The following EIF3A variants were observed in gnomAD, a reference collection of about 807,000 sequenced individuals.
The protein encoded by EIF3A is EIF3, p180 subunit.
EIF3A carries 21 observed loss-of-function variants against 186.6 expected under a neutral mutation model. The ratio of observed to expected loss-of-function variants is 0.11; its 90% CI spans 0.08 to 0.16. The LOEUF is 0.16. Ranked by LOEUF, EIF3A falls within the 10% of genes least tolerant of loss-of-function variation. EIF3A has a pLI of 1.00. For missense variants in EIF3A, 1,306 were observed against 1,796.3 expected (o/e 0.73, Z 4.93); for synonymous variants, 563 against 584.3 (o/e 0.96, Z 0.52).
intron 1 of EIF3A, among the ~76,000 whole-genome samples, chr10:119,078,829 C>A (rs148840846): frequency 0.012 from 1,795 of 152,160 alleles, 38 homozygotes; most frequent in African/African-American, 0.041. Context: ...CATTACATAT[C>A]TTTTCTATAT....
chr10:119,048,282 C>T (rs1439604209), intron 17 of EIF3A, among the ~76,000 whole-genome samples: 4 of 151,906 alleles, frequency 2.6e-5, no homozygotes, highest in Non-Finnish European at 4.4e-5. Context: ...ATGAGGAAGA[C>T]GAGTAAGTAG....
At chr10:119,060,415 T>A (rs923455914) in intron 9 of EIF3A, among the ~76,000 whole-genome samples, 3 of 151,958 alleles carry the variant, frequency 2.0e-5, no homozygotes, top group African/African-American at 7.3e-5. Flanking sequence ...CTACAAGATT[T>A]CTAACAGGGA....
intron 16 of EIF3A, among the ~76,000 whole-genome samples, 179 bp from the exon 17 acceptor site, chr10:119,050,164 T>A (rs1418796283): frequency 2.0e-5 from 3 of 152,130 alleles, no homozygotes; most frequent in African/African-American, 4.8e-5. Flanking sequence ...ACCCCTCAAC[T>A]ATAGTTTTGT....
chr10:119,042,143 T>G lies in EIF3A; in HGVS notation c.3377A>C (p.Asp1126Ala), dbSNP rs1564749117. ...DRGPWRNADD[D>A]RIPRRGAEDD... ...CTCTGCACCACGCCTGGGAATTCTG[T>G]CATCATCGGCGTTCCTCCAAGGTCC... Residue 1126 changes from aspartate (D) to alanine (A), a missense_variant, in exon 19 of 22, where the codon GAC (aspartate) becomes GCC (alanine). Around this residue, in one of 8 missense-constraint regions of EIF3A, gnomAD observed 331 missense variants for 365.8 expected, o/e 0.90. Transcript: ENST00000369144. The surrounding 1 kb of genome is among the most constrained non-coding windows in gnomAD (Gnocchi z 7.8). 1.9e-6 allele frequency: 3 copies of G among 1,614,096 alleles called. No individual in the cohort carries two copies. Among genetic ancestry groups the G allele is most frequent in the Admixed American group, 3.3e-5 (2 of 60,002 alleles).
intron 9 of EIF3A, 39 bp downstream of exon 9, chr10:119,060,707 C>T (rs1255100679): frequency 1.3e-6 from 2 of 1,505,312 alleles, no homozygotes; most frequent in South Asian, 1.2e-5. Context: ...ATGATGAGCA[C>T]ATAACATCAC....
At chr10:119,079,480 T>C (rs1844228144) in intron 1 of EIF3A, among the ~76,000 whole-genome samples, 1 of 152,124 alleles carries the variant, frequency 6.6e-6, no homozygotes, top group African/African-American at 2.4e-5. Context: ...ACAAGGTATA[T>C]TCATCTACAA....
In EIF3A at chr10:119,057,050, A is replaced by C. The variant is rs754545085; in HGVS notation, c.1978-10T>G. 1 of 1,513,502 alleles carries C rather than the reference A, an allele frequency of 6.6e-7. No homozygotes were observed. The highest frequency in any genetic ancestry group is 9.1e-7 in the Non-Finnish European group (1 of 1,098,082). The allele number at this position is 1,513,502 out of a possible 1,614,324, so 93.8% of individuals were successfully genotyped here. ...CCAATTCCTCAAGGTCCTGAAAGGT[A>C]ATACAAATGCACAATTGTTAATAAA... On this transcript the variant is annotated splice_polypyrimidine_tract_variant and intron_variant, in intron 12 of 21. Coordinates refer to ENST00000369144, the MANE Select transcript of EIF3A (RefSeq NM_003750.4).
chr10:119,049,493 CAAAAAAA>C (rs67696743), intron 17 of EIF3A, among the ~76,000 whole-genome samples: 1 of 112,764 alleles, frequency 8.9e-6, no homozygotes, highest in Non-Finnish European at 1.7e-5. Context: ...GACTCTGTCT[CAAAAAAA>C]AAAAAAAAAG....
chr10:119,061,311 T>A lies in EIF3A; in HGVS notation c.1140A>T (p.Leu380=). 1 of 1,565,010 alleles carries A rather than the reference T, an allele frequency of 6.4e-7. No individual in the cohort carries two copies. ...CTTTCACTTCTGGGACAACATATTGTAGTACATTAAATCTGACCTACAGTA... is the reference window on the plus strand; with the variant it reads ...CTTTCACTTCTGGGACAACATATTGAAGTACATTAAATCTGACCTACAGTA... The part of the protein sequence containing the change: ...LINDMVRFNV[L]QYVVPEVKDL... Residue 380 remains leucine (L), a synonymous_variant, in exon 8 of 22, where the codon CTA becomes CTT. Coordinates refer to ENST00000369144, the MANE Select transcript of EIF3A (RefSeq NM_003750.4).
At chr10:119,056,590 C>T (rs1197614317) in intron 14 of EIF3A, 150 bp downstream of exon 14, 17 of 553,164 alleles carry the variant, frequency 3.1e-5, no homozygotes, top group South Asian at 8.8e-5. Flanking sequence ...TGAAATTTTC[C>T]CTCTTTCTAC....
intron 14 of EIF3A, among the ~76,000 whole-genome samples, chr10:119,056,348 G>A (rs987154398): frequency 6.6e-6 from 1 of 152,178 alleles, no homozygotes; most frequent in African/African-American, 2.4e-5. Flanking sequence ...GGCTGGGGTG[G>A]TGGGGAAGAA....
chr10:119,066,327 G>A (rs1843977662), intron 6 of EIF3A, among the ~76,000 whole-genome samples: 1 of 150,814 alleles, frequency 6.6e-6, no homozygotes, highest in Non-Finnish European at 1.5e-5. Context: ...TGGACAACAT[G>A]GTGAAACCCC....
intron 7 of EIF3A, among the ~76,000 whole-genome samples, chr10:119,061,914 C>A (rs1843894606): frequency 6.6e-6 from 1 of 151,894 alleles, no homozygotes; most frequent in Admixed American, 6.6e-5. Flanking sequence ...AACTGTTAAC[C>A]CAAGGACAAA....
intron 1 of EIF3A, among the ~76,000 whole-genome samples, chr10:119,075,142 A>G (rs1844144522): frequency 6.6e-6 from 1 of 151,656 alleles, no homozygotes; most frequent in Non-Finnish European, 1.5e-5. Context: ...TTGTATGTTT[A>G]GTACAGACAG....
chr10:119,046,579 AG>A (rs1396687699), intron 17 of EIF3A, among the ~76,000 whole-genome samples: 7 of 152,250 alleles, frequency 4.6e-5, no homozygotes, highest in African/African-American at 1.7e-4. Context: ...ATATAAGTTA[AG>A]GTATGGTCAT....
chr10:119,055,187 G>A (rs769852968), intron 14 of EIF3A, among the ~76,000 whole-genome samples: 47 of 152,242 alleles, frequency 3.1e-4, no homozygotes, highest in Non-Finnish European at 1.9e-4. Context: ...TCCAGCCTGG[G>A]CGACAGAATG....
intron 20 of EIF3A, among the ~76,000 whole-genome samples, chr10:119,037,705 C>T (rs998748670): frequency 2.8e-4 from 42 of 152,132 alleles, no homozygotes; most frequent in African/African-American, 1.0e-3. Context: ...ACTTTGGCAG[C>T]GGGAACAAGC....
At chr10:119,067,435 T>A (rs754250645) in intron 6 of EIF3A, among the ~76,000 whole-genome samples, 17 of 151,728 alleles carry the variant, frequency 1.1e-4, no homozygotes, top group African/African-American at 3.9e-4. Flanking sequence ...ACAAAAAAAA[T>A]TAAACATTAG....
At chr10:119,063,408 G>A (rs1564757164) in intron 7 of EIF3A, among the ~76,000 whole-genome samples, 1 of 152,198 alleles carries the variant, frequency 6.6e-6, no homozygotes, top group African/African-American at 2.4e-5. Flanking sequence ...ATTGACTACT[G>A]CAGAAAATTT....
Sources: gnomAD v4.1 joint callset for allele counts (sites outside exome capture counted in the v4.1 genomes callset) on GRCh38, gnomAD v4.1.1 for gene constraint, gnomAD v4.1.1 regional missense constraint, Gnocchi (gnomAD v3.1) non-coding constraint, MANE v1.5 for transcripts, NCBI Gene and HGNC (gene_info 2026-07-23, HGNC 2026-07-21) for gene names.